The following DLL3 variants were observed in gnomAD, a reference collection of about 807,000 sequenced individuals.
DLL3 encodes delta-like protein 3.
A neutral mutation model predicts 55.0 loss-of-function variants in DLL3; 49 were observed. The ratio of observed to expected loss-of-function variants is 0.89; its 90% CI spans 0.71 to 1.13. The LOEUF is 1.13. Ranked by LOEUF, DLL3 falls within the 50% of genes most tolerant of loss-of-function variation. The pLI is 0.00. For synonymous variants in DLL3, 421 were observed against 385.2 expected (o/e 1.09, Z -1.09); for missense variants, 962 against 875.5 (o/e 1.10, Z -1.25).
intron 7 of DLL3, 101 bp downstream of exon 7, chr19:39,507,719 GTC>G (rs2079653006): frequency 2.5e-6 from 4 of 1,598,658 alleles, no homozygotes; most frequent in Non-Finnish European, 3.4e-6. Flanking sequence ...TCCCTGGTCG[GTC>G]TCTCTTACCC....
At chr19:39,501,178 T>C (rs940115542) in intron 3 of DLL3, among the ~76,000 whole-genome samples, 1 of 152,046 alleles carries the variant, frequency 6.6e-6, no homozygotes, top group African/African-American at 2.4e-5. Flanking sequence ...TTTTTTTGTA[T>C]TTTTAGTAGA....
Position 39,502,849 on chromosome 19 carries a change from CA to C in DLL3, c.445del (p.Arg149GlyfsTer92). 1 of 1,415,612 alleles carries C rather than the reference CA, an allele frequency of 7.1e-7. No individual in the cohort carries two copies. The highest frequency in any genetic ancestry group is 1.5e-5 in the South Asian group (1 of 66,510). The allele number at this position is 1,415,612 out of a possible 1,614,324, so 87.7% of individuals were successfully genotyped here. On this transcript the variant is annotated frameshift_variant, in exon 4 of 9. Transcript: ENST00000356433. LOFTEE classifies it high-confidence loss of function. ...GGAGCCTGCTGGCGCGCGTGGCTGG[CA>C]GGCGGCGCTTGGCAGCCGGAGGCCC... ...AWSLLARVAG[R>X]RRLAAGGPWA...
At chr19:39,501,442 T>C (rs2079609299) in intron 3 of DLL3, among the ~76,000 whole-genome samples, 1 of 152,182 alleles carries the variant, frequency 6.6e-6, no homozygotes. Flanking sequence ...GGAGACTCTG[T>C]TGCTATGTAA....
rs145798152 is a variant in DLL3, at chr19:39,503,551, C to T, written c.652+494C>T. On this transcript the variant is annotated intron_variant, in intron 4 of 8. Transcript: ENST00000356433. ...GCCAAGGGGCCCTCCATCCTCCCTC[C>T]CTAGGGTTGCAGGCCAGAACCCATG... 1.6e-3 allele frequency among the ~76,000 whole-genome samples: 239 copies of T among 152,328 alleles called. 2 individuals are homozygous for T. The highest frequency in any genetic ancestry group is 9.4e-4 in the Non-Finnish European group (64 of 68,022).
intron 8 of DLL3, 102 bp downstream of exon 8, chr19:39,508,016 TGG>T (rs752685181): frequency 6.2e-7 from 1 of 1,612,300 alleles, no homozygotes; most frequent in Admixed American, 1.7e-5. Flanking sequence ...TGAAATGAAT[TGG>T]GTAGAGTCTC....
At position 39,499,216 on chromosome 19, in the gene DLL3, C is replaced by A. The variant is rs1369811094; in HGVS notation, c.94C>A (p.Leu32Met). 6.4e-7 allele frequency: 1 copy of A among 1,564,684 alleles called. No homozygotes were observed. Among genetic ancestry groups the A allele is most frequent in the East Asian group, 2.4e-5 (1 of 42,222 alleles). The part of the protein sequence containing the change: ...PQTRPAGVFE[L>M]QIHSFGPGPG... Reference sequence around the variant, plus strand: ...GACACGGCCCGCTGGCGTCTTCGAGCTGCAGATCCACTCTTTCGGGCCGGG... The same window carrying A: ...GACACGGCCCGCTGGCGTCTTCGAGATGCAGATCCACTCTTTCGGGCCGGG... The change falls in exon 2 of 9, where the codon CTG becomes ATG. Residue 32 changes from leucine to methionine, a missense_variant. By Grantham distance (15) the Leu-to-Met change is conservative. Coordinates refer to ENST00000356433, the MANE Select transcript of DLL3 (RefSeq NM_203486.3).
chr19:39,502,020 C>T (rs1458147215), intron 3 of DLL3, among the ~76,000 whole-genome samples: 1 of 151,808 alleles, frequency 6.6e-6, no homozygotes, highest in African/African-American at 2.4e-5. Context: ...CCTGTCTCTA[C>T]TAAAAATACA....
rs34900598 is a variant in DLL3, at chr19:39,500,262, T to TA, written c.352-337dup. On this transcript the variant is annotated intron_variant, in intron 2 of 8. Transcript: ENST00000356433. ...CAGTAACATAGTGAGACCTCGTTTC[T>TA]AAAAAAAAAAAAAAAACATAGCAGG... Among the ~76,000 whole-genome samples, 1,026 of 134,908 alleles carry TA rather than the reference T, an allele frequency of 7.6e-3. 10 individuals carry two copies. The highest frequency in any genetic ancestry group is 0.021 in the African/African-American group (762 of 36,186). 88.5% of individuals were successfully genotyped at this position (134,908 alleles called of 152,430 possible).
chr19:39,508,129 T>G, intron 8 of DLL3, 123 bp from the exon 9 acceptor site: 1 of 1,613,454 alleles, frequency 6.2e-7, no homozygotes, highest in Non-Finnish European at 8.5e-7. Flanking sequence ...TTGAAAAACC[T>G]ATGGGCTTGA....
intron 1 of DLL3, 22 bp from the exon 2 acceptor site, chr19:39,499,170 C>G (rs779610545): frequency 1.3e-6 from 2 of 1,592,690 alleles, no homozygotes; most frequent in Non-Finnish European, 1.7e-6. Flanking sequence ...GCCGCCTCAC[C>G]CTGCGCCCGT....
In DLL3 at chr19:39,500,667, T is replaced by C; in HGVS notation, c.404T>C (p.Ile135Thr). Residue 135 changes from isoleucine to threonine, a missense_variant, in exon 3 of 9, where the codon ATT (isoleucine) becomes ACT (threonine). By Grantham distance (89) the Ile-to-Thr change is moderately conservative (BLOSUM62 -1). Transcript: ENST00000356433. ...ETWREELGDQ[I>T]GGPAWSLLAR... ...TGGAGAGAGGAGTTAGGAGACCAGA[T>C]TGGAGGTGAGTGTCTTCAGTCTTGG... 2 of 1,612,278 alleles carry C rather than the reference T, an allele frequency of 1.2e-6. No individual in the cohort carries two copies. The highest frequency in any genetic ancestry group is 1.1e-5 in the South Asian group (1 of 91,042).
At chr19:39,504,548 C>T (rs989095998) in intron 5 of DLL3, among the ~76,000 whole-genome samples, 1 of 152,138 alleles carries the variant, frequency 6.6e-6, no homozygotes, top group Non-Finnish European at 1.5e-5. Context: ...TGTGGGGCCA[C>T]AGCTGCCCCT....
intron 3 of DLL3, among the ~76,000 whole-genome samples, chr19:39,502,256 C>CTTTAT (rs2079613811): frequency 1.6e-5 from 2 of 123,906 alleles, no homozygotes; most frequent in Admixed American, 1.6e-4. Flanking sequence ...TATGAGATAA[C>CTTTAT]TGTTTATTTT....
chr19:39,501,805 C>G (rs939559175), intron 3 of DLL3, among the ~76,000 whole-genome samples: 1 of 152,202 alleles, frequency 6.6e-6, no homozygotes, highest in Non-Finnish European at 1.5e-5. Flanking sequence ...TATGACCTCA[C>G]TTCAGACATG....
At chr19:39,499,165 C>T in intron 1 of DLL3, 27 bp from the exon 2 acceptor site, 1 of 1,595,864 alleles carries the variant, frequency 6.3e-7, no homozygotes, top group Non-Finnish European at 8.5e-7. Context: ...TCCCGGCCGC[C>T]TCACCCTGCG....
chr19:39,507,413 C>G lies in DLL3; in HGVS notation c.1468C>G (p.Arg490Gly). Residue 490 changes from arginine (R) to glycine (G), a missense_variant, in exon 7 of 9, where the codon CGC (arginine) becomes GGC (glycine). Physicochemically the swap from Arg to Gly is moderately radical, Grantham distance 125 (BLOSUM62 -2). Coordinates refer to ENST00000356433, the MANE Select transcript of DLL3 (RefSeq NM_203486.3). Reference sequence around the variant, plus strand: ...GGGCCTCAGGCCCGGGGACCCTCAGCGCTACCTTTTGCCTCCGGCTCTGGG... The same window carrying G: ...GGGCCTCAGGCCCGGGGACCCTCAGGGCTACCTTTTGCCTCCGGCTCTGGG... The part of the protein sequence containing the change: ...PPGLRPGDPQ[R>G]YLLPPALGLL... 6.3e-7 allele frequency: 1 copy of G among 1,588,882 alleles called. No individual in the cohort carries two copies. The highest frequency in any genetic ancestry group is 8.5e-7 in the Non-Finnish European group (1 of 1,169,658).
At chr19:39,506,941 AAG>A in intron 6 of DLL3, 96 bp from the exon 7 acceptor site, 1 of 1,321,280 alleles carries the variant, frequency 7.6e-7, no homozygotes, top group Non-Finnish European at 1.0e-6. Context: ...TAGAGAGAAA[AAG>A]GGGACCCCGT....
intron 6 of DLL3, among the ~76,000 whole-genome samples, chr19:39,506,069 G>A (rs1484513311): frequency 2.0e-5 from 3 of 152,066 alleles, no homozygotes; most frequent in Non-Finnish European, 4.4e-5. Context: ...AAAATTAGCC[G>A]GGCGTGATGG....
Position 39,502,991 on chromosome 19 carries a change from G to C in DLL3, c.586G>C (p.Ala196Pro). 6.7e-7 allele frequency: 1 copy of C among 1,482,846 alleles called. No homozygotes were observed. The highest frequency in any genetic ancestry group is 1.3e-5 in the South Asian group (1 of 78,350). 91.9% of individuals were successfully genotyped at this position (1,482,846 alleles called of 1,614,324 possible). ...CACGCGCCTCTGCCGTCCGCGCAGC[G>C]CCCCCTCGCGGTGCGGTCCGGGACT... ...ACTRLCRPRS[A>P]PSRCGPGLRP... is the part of the protein sequence containing the mutation. The change falls in exon 4 of 9, where the codon GCC becomes CCC. Residue 196 changes from alanine to proline, a missense_variant. Transcript: ENST00000356433.
Sources: gnomAD v4.1 joint callset for allele counts (sites outside exome capture counted in the v4.1 genomes callset) on GRCh38, gnomAD v4.1.1 for gene constraint, MANE v1.5 for transcripts, NCBI Gene and HGNC (gene_info 2026-07-23, HGNC 2026-07-21) for gene names.